Variants in CCNJL observed in about 807,000 individuals in gnomAD.
CCNJL encodes the protein cyclin J like.
In CCNJL, 33 loss-of-function variants were observed where a neutral mutation model predicts 33.4. That is an observed-to-expected ratio of 0.99 (90% CI 0.75 to 1.32). The LOEUF (loss-of-function observed/expected upper bound fraction) is 1.32. Among genes scored for constraint, CCNJL ranks in the 40% most tolerant of loss-of-function variants. The pLI is 0.00. For missense variants in CCNJL, 512 were observed against 499.7 expected (o/e 1.02, Z -0.23); for synonymous variants, 227 against 220.9 (o/e 1.03, Z -0.24).
intron 2 of CCNJL, among the ~76,000 whole-genome samples, chr5:160,305,489 C>T (rs1763063561): frequency 6.6e-6 from 1 of 152,200 alleles, no homozygotes; most frequent in African/African-American, 2.4e-5. Context: ...GCCTAGTCAT[C>T]AGCCCTTTCC....
chr5:160,326,753 A>G, intron 1 of CCNJL: 2 of 867,186 alleles, frequency 2.3e-6, no homozygotes, highest in Non-Finnish European at 1.9e-6. Flanking sequence ...CATCAATCTC[A>G]TCTTCAGATA....
chr5:160,336,954 A>ATT (rs112451858), intron 1 of CCNJL, among the ~76,000 whole-genome samples: 1,732 of 124,070 alleles, frequency 0.014, 37 homozygotes, highest in African/African-American at 0.047. Context: ...CCTTGCTGGG[A>ATT]TTTTTTTTTT....
intron 3 of CCNJL, among the ~76,000 whole-genome samples, chr5:160,274,072 G>C (rs535996141): frequency 4.6e-5 from 7 of 152,250 alleles, no homozygotes; most frequent in Admixed American, 3.9e-4. Flanking sequence ...AGAAGAAACT[G>C]TTCCCAGGGG....
At chr5:160,307,090 G>A (rs1289602858) in intron 2 of CCNJL, among the ~76,000 whole-genome samples, 1 of 152,252 alleles carries the variant, frequency 6.6e-6, no homozygotes, top group Non-Finnish European at 1.5e-5. Context: ...GGATTCCCAG[G>A]AAGCATCCCT....
chr5:160,303,518 T>G (rs1026849765), intron 2 of CCNJL, among the ~76,000 whole-genome samples: 22 of 133,974 alleles, frequency 1.6e-4, no homozygotes, highest in African/African-American at 5.8e-4. Context: ...TATTTTCCAT[T>G]TTTACAAAAA....
chr5:160,320,831 T>TTCTTTCTTTCTTTCTTTCTTTC (rs1561812472), intron 1 of CCNJL, among the ~76,000 whole-genome samples: 2 of 124,028 alleles, frequency 1.6e-5, no homozygotes, highest in Admixed American at 8.3e-5. Context: ...CTTTCTTTCT[T>TTCTTTCTTTCTTTCTTTCTTTC]TCTTTCTTTC....
chr5:160,311,686 T>C (rs567027650), intron 2 of CCNJL, among the ~76,000 whole-genome samples, 172 bp downstream of exon 2: 1 of 152,230 alleles, frequency 6.6e-6, no homozygotes, highest in East Asian at 1.9e-4. Context: ...CTCCAGTCTC[T>C]AACCCCCGCC....
chr5:160,274,053 A>T (rs1208117545), intron 3 of CCNJL, among the ~76,000 whole-genome samples: 1 of 152,224 alleles, frequency 6.6e-6, no homozygotes, highest in Non-Finnish European at 1.5e-5. Context: ...AATACACCAG[A>T]TCAAATTCAG....
At chr5:160,282,103 C>T (rs975564298) in intron 2 of CCNJL, among the ~76,000 whole-genome samples, 4 of 152,162 alleles carry the variant, frequency 2.6e-5, no homozygotes, top group African/African-American at 4.8e-5. Flanking sequence ...GGGATGAGAT[C>T]GAAACAAATT....
intron 3 of CCNJL, among the ~76,000 whole-genome samples, chr5:160,271,882 C>T (rs986398755): frequency 6.6e-6 from 1 of 152,192 alleles, no homozygotes; most frequent in African/African-American, 2.4e-5. Context: ...TCCTCCTGAC[C>T]ACTCTTGCAT....
chr5:160,267,903 G>A (rs915919031), intron 3 of CCNJL, among the ~76,000 whole-genome samples: 1 of 152,040 alleles, frequency 6.6e-6, no homozygotes, highest in Non-Finnish European at 1.5e-5. Context: ...CTTTGCTTAC[G>A]CTACTTAGCA....
intron 3 of CCNJL, among the ~76,000 whole-genome samples, chr5:160,275,488 G>GTGTT (rs969800161): frequency 6.6e-6 from 1 of 151,640 alleles, no homozygotes; most frequent in Admixed American, 6.6e-5. Flanking sequence ...CAGGTTTTTT[G>GTGTT]TGTTTGTTTG....
In CCNJL at chr5:160,259,656, C is replaced by G. The variant is rs1329963144; in HGVS notation, c.396G>C (p.Leu132=). 6 of 1,614,078 alleles carry G rather than the reference C, an allele frequency of 3.7e-6. No individual in the cohort carries two copies. Among genetic ancestry groups the G allele is most frequent in the Non-Finnish European group, 5.1e-6 (6 of 1,180,048 alleles). The change falls in exon 4 of 6, where the codon CTG becomes CTC. Residue 132 remains leucine, a synonymous_variant. Coordinates refer to ENST00000257536, the MANE Select transcript of CCNJL (RefSeq NM_001308173.3). ...TCCAGCTGAAGGCCTCCAGGAGCAG[C>G]AGCTCTGTGCTCAGCAGCTCCTTCT... ...LTKKELLSTE[L]LLLEAFSWNL... is the part of the protein sequence containing the mutation.
At chr5:160,304,845 C>G (rs958930412) in intron 2 of CCNJL, among the ~76,000 whole-genome samples, 16 of 148,140 alleles carry the variant, frequency 1.1e-4, no homozygotes, top group Admixed American at 1.1e-3. Context: ...GAGGAAATCT[C>G]GCTCTGTCAC....
intron 1 of CCNJL, among the ~76,000 whole-genome samples, chr5:160,332,296 C>T (rs1033254079): frequency 6.6e-5 from 10 of 152,174 alleles, no homozygotes; most frequent in African/African-American, 2.4e-4. Context: ...CCCACGACTT[C>T]CCTGGTCCAA....
intron 1 of CCNJL, 120 bp from the exon 2 acceptor site, chr5:160,312,092 A>G (rs1037588284): frequency 3.1e-6 from 2 of 648,368 alleles, no homozygotes; most frequent in East Asian, 2.7e-5. Flanking sequence ...TGCGCCGCTC[A>G]GAGGAGCTGG....
At chr5:160,301,186 C>T (rs145006716) in intron 2 of CCNJL, among the ~76,000 whole-genome samples, 2 of 152,202 alleles carry the variant, frequency 1.3e-5, no homozygotes, top group African/African-American at 4.8e-5. Context: ...AGACATAAAA[C>T]GGAATACTAA....
chr5:160,331,174 C>T (rs1272008523), intron 1 of CCNJL, among the ~76,000 whole-genome samples: 3 of 152,054 alleles, frequency 2.0e-5, no homozygotes, highest in Non-Finnish European at 4.4e-5. Flanking sequence ...AGGACCCAGA[C>T]CCCAGTTATC....
chr5:160,325,761 C>T (rs1309012129), intron 1 of CCNJL, among the ~76,000 whole-genome samples: 1 of 152,164 alleles, frequency 6.6e-6, no homozygotes, highest in Non-Finnish European at 1.5e-5. Flanking sequence ...TTCATCTTCT[C>T]TTGAAAGGTC....
Sources: allele counts gnomAD v4.1 joint callset (sites outside exome capture counted in the v4.1 genomes callset), GRCh38; gene constraint gnomAD v4.1.1; transcripts MANE v1.5; gene names NCBI Gene and HGNC (gene_info 2026-07-23, HGNC 2026-07-21).